The following RFPL1 variants were observed in gnomAD, a reference collection of about 807,000 sequenced individuals.
RFPL1 encodes ret finger protein like 1, also known as ret finger protein-like 1.
Under a neutral mutation model 9.6 loss-of-function variants are expected in RFPL1, and 6 were observed. That is an observed-to-expected ratio of 0.62 (90% CI 0.34 to 1.23). RFPL1 has a LOEUF of 1.23. Among genes scored for constraint, RFPL1 ranks in the 50% most tolerant of loss-of-function variants. The pLI is 0.03. For missense variants in RFPL1, 352 were observed against 398.4 expected (o/e 0.88, Z 0.99); for synonymous variants, 145 against 149.4 (o/e 0.97, Z 0.22).
the RFPL1 span, among the ~76,000 whole-genome samples, chr22:29,410,533 TCTA>T: frequency 7.9e-4 from 95 of 120,392 alleles, 2 homozygotes; most frequent in African/African-American, 2.9e-3. Flanking sequence ...GATATATATA[TCTA>T]CTATATATAG....
the RFPL1 span, among the ~76,000 whole-genome samples, chr22:29,396,346 TCTCA>T: frequency 6.6e-6 from 1 of 152,150 alleles, no homozygotes; most frequent in South Asian, 2.1e-4. Flanking sequence ...TTGCACTCTC[TCTCA>T]CTCTCTCTCT....
chr22:29,423,408 A>G, the RFPL1 span, among the ~76,000 whole-genome samples: 6 of 149,884 alleles, frequency 4.0e-5, no homozygotes, highest in African/African-American at 1.5e-4. Context: ...CAGAGATGGG[A>G]TCTCACCATG....
the RFPL1 span, among the ~76,000 whole-genome samples, chr22:29,420,027 T>G: frequency 6.6e-6 from 1 of 152,196 alleles, no homozygotes; most frequent in Non-Finnish European, 1.5e-5. Context: ...CAATAGAACC[T>G]GAGTACTTAA....
At chr22:29,416,345 C>T in the RFPL1 span, among the ~76,000 whole-genome samples, 1 of 149,654 alleles carries the variant, frequency 6.7e-6, no homozygotes, top group African/African-American at 2.4e-5. Context: ...TGCATCACTG[C>T]TGCAGGTGGG....
chr22:29,407,188 A>G, the RFPL1 span, among the ~76,000 whole-genome samples: 6 of 151,810 alleles, frequency 4.0e-5, no homozygotes, highest in Admixed American at 3.9e-4. Context: ...TGACCTCCCC[A>G]GGTTCAGGGG....
chr22:29,389,852 G>A, the RFPL1 span, among the ~76,000 whole-genome samples: 6 of 151,606 alleles, frequency 4.0e-5, no homozygotes, highest in Non-Finnish European at 8.8e-5. Flanking sequence ...GGACTGGAGT[G>A]CAGTGTCGTG....
At chr22:29,433,888 A>AT (rs925494050), upstream of RFPL1, among the ~76,000 whole-genome samples, 3 of 152,074 alleles carry the variant, frequency 2.0e-5, no homozygotes, top group East Asian at 1.9e-4. Context: ...GTATTGTTGA[A>AT]TTTTTTTTAA....
chr22:29,421,098 A>T, the RFPL1 span, among the ~76,000 whole-genome samples: 1 of 152,110 alleles, frequency 6.6e-6, no homozygotes, highest in African/African-American at 2.4e-5. Context: ...AGGTGGTAGG[A>T]CTGAAACTCA....
chr22:29,402,374 C>T, the RFPL1 span, among the ~76,000 whole-genome samples: 4 of 152,128 alleles, frequency 2.6e-5, no homozygotes, highest in South Asian at 4.2e-4. Flanking sequence ...ACGCTTTATG[C>T]ATTGTTAGTA....
chr22:29,390,405 T>G, the RFPL1 span, among the ~76,000 whole-genome samples: 9 of 152,194 alleles, frequency 5.9e-5, no homozygotes, highest in Admixed American at 1.3e-4. Flanking sequence ...AAAGTTATTT[T>G]TAAATAATTA....
chr22:29,410,483 T>TCTATA, the RFPL1 span, among the ~76,000 whole-genome samples: 2 of 99,392 alleles, frequency 2.0e-5, no homozygotes, highest in African/African-American at 8.1e-5. Context: ...GATATATATA[T>TCTATA]TGTAGATATA....
chr22:29,421,998 CTT>C, the RFPL1 span, among the ~76,000 whole-genome samples: 3 of 152,138 alleles, frequency 2.0e-5, no homozygotes, highest in African/African-American at 4.8e-5. Flanking sequence ...ACAACAGACT[CTT>C]TTCATCTGGT....
At chr22:29,396,645 TA>T in the RFPL1 span, among the ~76,000 whole-genome samples, 23 of 151,330 alleles carry the variant, frequency 1.5e-4, no homozygotes, top group Non-Finnish European at 2.2e-4. Flanking sequence ...TTGTATTAAT[TA>T]AAAAAAAATA....
chr22:29,404,922 G>T, the RFPL1 span, among the ~76,000 whole-genome samples: 2 of 151,772 alleles, frequency 1.3e-5, no homozygotes, highest in African/African-American at 2.4e-5. Context: ...TAGAGAAGAG[G>T]TCTCACTATG....
chr22:29,439,238 T>C, intron 1 of RFPL1, 74 bp downstream of exon 1: 1 of 1,541,488 alleles, frequency 6.5e-7, no homozygotes, highest in Non-Finnish European at 8.7e-7. Context: ...TGGCCCCTCA[T>C]TCCATATGGG....
chr22:29,418,339 G>A, the RFPL1 span, among the ~76,000 whole-genome samples: 35 of 152,214 alleles, frequency 2.3e-4, no homozygotes, highest in Admixed American at 9.8e-4. Context: ...TTTAGCTATC[G>A]GGTGCGATAG....
the RFPL1 span, among the ~76,000 whole-genome samples, chr22:29,414,346 C>T: frequency 1.3e-5 from 2 of 152,242 alleles, no homozygotes; most frequent in South Asian, 4.1e-4. Flanking sequence ...ACACTGTTAA[C>T]TTTTAGCAAA....
chr22:29,407,000 C>T, the RFPL1 span, among the ~76,000 whole-genome samples: 2 of 151,866 alleles, frequency 1.3e-5, no homozygotes, highest in African/African-American at 4.8e-5. Flanking sequence ...TTCATTTGTG[C>T]CAATTTAAAT....
At chr22:29,417,157 CTGA>C in the RFPL1 span, among the ~76,000 whole-genome samples, 1 of 152,008 alleles carries the variant, frequency 6.6e-6, no homozygotes, top group East Asian at 1.9e-4. Context: ...GGAAAAACTG[CTGA>C]TGAGGCCGAC....
Sources: allele counts gnomAD v4.1 joint callset (sites outside exome capture counted in the v4.1 genomes callset), GRCh38; gene constraint gnomAD v4.1.1; transcripts MANE v1.5; gene names NCBI Gene and HGNC (gene_info 2026-07-23, HGNC 2026-07-21).